TENM3: variants seen among roughly 807,000 people sequenced by gnomAD.
TENM3 encodes teneurin transmembrane protein 3.
Under a neutral mutation model 255.1 loss-of-function variants are expected in TENM3, and 63 were observed. The observed-to-expected ratio is 0.25, with a 90% CI of 0.20 to 0.30. The LOEUF (loss-of-function observed/expected upper bound fraction) is 0.30. TENM3 is among the 10% of genes least tolerant of loss of function. The pLI is 1.00. For synonymous variants in TENM3, 1,306 were observed against 1,322.3 expected, an observed-to-expected ratio of 0.99 and a Z score of 0.27; for missense variants, 2,929 against 3,461.1, an observed-to-expected ratio of 0.85 and a Z score of 3.86.
the TENM3 span, among the ~76,000 whole-genome samples, chr4:181,891,938 G>A: frequency 6.6e-6 from 1 of 152,012 alleles, no homozygotes; most frequent in Admixed American, 6.6e-5. Context: ...ATTGGATTAG[G>A]TACCCTTCGA....
At chr4:182,257,254 C>T (rs1758464244) in intron 1 of TENM3, among the ~76,000 whole-genome samples, 1 of 152,166 alleles carries the variant, frequency 6.6e-6, no homozygotes, top group Non-Finnish European at 1.5e-5. Context: ...CATTGAGAAC[C>T]TCTGCTTAAT....
At chr4:181,693,187 T>G in the TENM3 span, among the ~76,000 whole-genome samples, 1 of 152,228 alleles carries the variant, frequency 6.6e-6, no homozygotes, top group Non-Finnish European at 1.5e-5. Flanking sequence ...ATAACTATTT[T>G]AACTGAAAGC....
chr4:181,513,476 T>C, the TENM3 span, among the ~76,000 whole-genome samples: 4 of 152,124 alleles, frequency 2.6e-5, no homozygotes, highest in African/African-American at 4.8e-5. Context: ...AACACTAACC[T>C]AGAAAACTCA....
At chr4:181,977,224 G>T in the TENM3 span, among the ~76,000 whole-genome samples, 303 of 152,286 alleles carry the variant, frequency 2.0e-3, 1 homozygote, top group Non-Finnish European at 3.1e-3. Flanking sequence ...TCGTTAAAAG[G>T]ATTAGATGAA....
intron 1 of TENM3, among the ~76,000 whole-genome samples, chr4:182,174,363 AAC>A (rs1410281472): frequency 2.7e-5 from 4 of 150,762 alleles, no homozygotes; most frequent in African/African-American, 7.3e-5. Context: ...GGATTCTTGA[AAC>A]ACAAATCTAA....
chr4:182,404,117 A>C (rs924031809), intron 3 of TENM3, among the ~76,000 whole-genome samples: 1 of 152,230 alleles, frequency 6.6e-6, no homozygotes, highest in African/African-American at 2.4e-5. Flanking sequence ...CTGTCAGTAC[A>C]GTCTGACTCC....
At chr4:182,007,800 TAC>T in the TENM3 span, among the ~76,000 whole-genome samples, 2 of 152,218 alleles carry the variant, frequency 1.3e-5, no homozygotes, top group African/African-American at 2.4e-5. Flanking sequence ...CACTAGTTGA[TAC>T]AGTTTCTTTG....
the TENM3 span, among the ~76,000 whole-genome samples, chr4:181,794,665 CCTGTGT>C: frequency 1.9e-5 from 1 of 52,814 alleles, no homozygotes; most frequent in African/African-American, 6.1e-5. Context: ...GAATAATATC[CCTGTGT>C]GTGTGTGTGT....
At chr4:182,735,805 A>G (rs887222931) in intron 16 of TENM3, among the ~76,000 whole-genome samples, 2 of 152,194 alleles carry the variant, frequency 1.3e-5, no homozygotes, top group African/African-American at 4.8e-5. Flanking sequence ...AAAATTGTGT[A>G]TGCTGCCTAA....
At chr4:181,832,929 A>G in the TENM3 span, among the ~76,000 whole-genome samples, 1 of 152,160 alleles carries the variant, frequency 6.6e-6, no homozygotes, top group Non-Finnish European at 1.5e-5. Flanking sequence ...AGGAATCTTT[A>G]CCAAACTAGT....
At position 182,754,683 on chromosome 4, in the gene TENM3, C is replaced by T; in HGVS notation, c.4316C>T (p.Ser1439Phe). Residue 1439 changes from serine (S) to phenylalanine (F), a missense_variant, in exon 22 of 28, where the codon TCC becomes TTC. Ser to Phe is a radical substitution (Grantham distance 155). Transcript: ENST00000511685. The surrounding 1 kb of genome is among the most constrained non-coding windows in gnomAD (Gnocchi z 5.1). Reference sequence around the variant, plus strand: ...CAGGTCACAACAGATGGAGAAATCTCCTTAGTGGCCGGAATACCTTCAGAG... The same window carrying T: ...CAGGTCACAACAGATGGAGAAATCTTCTTAGTGGCCGGAATACCTTCAGAG... Reference protein sequence around the residue: ...IRQVTTDGEISLVAGIPSECD... With the variant: ...IRQVTTDGEIFLVAGIPSECD... 1.2e-6 allele frequency: 2 copies of T among 1,614,008 alleles called. No individual in the cohort carries two copies. Among genetic ancestry groups the T allele is most frequent in the Non-Finnish European group, 1.7e-6 (2 of 1,179,896 alleles).
At chr4:182,322,341 T>C (rs77919476) in intron 1 of TENM3, among the ~76,000 whole-genome samples, 4,658 of 152,290 alleles carry the variant, frequency 0.031, 232 homozygotes, top group African/African-American at 0.11. Context: ...CAGAGAAATA[T>C]GGAACCCCAC....
intron 1 of TENM3, among the ~76,000 whole-genome samples, chr4:182,168,140 T>C (rs1267405384): frequency 6.9e-6 from 1 of 145,724 alleles, no homozygotes; most frequent in Admixed American, 6.9e-5. Context: ...TTTTCTTTTC[T>C]TTTTTTTTTT....
chr4:181,919,090 C>G, the TENM3 span, among the ~76,000 whole-genome samples: 1 of 152,088 alleles, frequency 6.6e-6, no homozygotes, highest in Non-Finnish European at 1.5e-5. Flanking sequence ...TGACCCAGTG[C>G]GAGAGGATAA....
chr4:182,771,752 C>T (rs1278397115), intron 22 of TENM3, among the ~76,000 whole-genome samples: 10 of 152,140 alleles, frequency 6.6e-5, no homozygotes, highest in East Asian at 5.8e-4. Context: ...TTCAAAAAAG[C>T]GATCACAGCA....
At chr4:182,766,747 A>C (rs1036741077) in intron 22 of TENM3, among the ~76,000 whole-genome samples, 1 of 152,088 alleles carries the variant, frequency 6.6e-6, no homozygotes, top group Non-Finnish European at 1.5e-5. Context: ...TTTGAAAAAA[A>C]AAAGAATAGC....
the TENM3 span, among the ~76,000 whole-genome samples, chr4:181,979,095 GACATATATATATATATATATATATAT>G: frequency 5.3e-4 from 38 of 72,164 alleles, no homozygotes; most frequent in African/African-American, 2.1e-3. Context: ...CATTAAGCCT[GACATATATATATATATATATATATAT>G]ATATATATAT....
chr4:182,353,416 G>A (rs1765309882), intron 3 of TENM3, among the ~76,000 whole-genome samples: 1 of 152,082 alleles, frequency 6.6e-6, no homozygotes, highest in Admixed American at 6.6e-5. Context: ...TATGTTTTAT[G>A]TGCACTAGAA....
intron 1 of TENM3, among the ~76,000 whole-genome samples, chr4:182,278,214 A>G (rs1215552034): frequency 6.6e-6 from 1 of 152,046 alleles, no homozygotes; most frequent in Non-Finnish European, 1.5e-5. Flanking sequence ...CAAAAATACA[A>G]AAATTAGTTG....
Sources: gnomAD v4.1 joint callset for allele counts (sites outside exome capture counted in the v4.1 genomes callset) on GRCh38, gnomAD v4.1.1 for gene constraint, Gnocchi (gnomAD v3.1) non-coding constraint, MANE v1.5 for transcripts, NCBI Gene and HGNC (gene_info 2026-07-23, HGNC 2026-07-21) for gene names.